ICA1: variants seen among roughly 807,000 people sequenced by gnomAD.
The protein encoded by ICA1 is 69 kDa islet cell autoantigen.
In ICA1, 40 loss-of-function variants were observed where a neutral mutation model predicts 71.0. The observed-to-expected ratio is 0.56, with a 90% CI of 0.44 to 0.73. The LOEUF (loss-of-function observed/expected upper bound fraction) is 0.73. ICA1 is among the 30% of genes least tolerant of loss of function. ICA1 has a pLI of 0.00. For missense variants in ICA1, 578 were observed against 576.5 expected, an observed-to-expected ratio of 1.00 and a Z score of -0.03; for synonymous variants, 207 against 209.5, an observed-to-expected ratio of 0.99 and a Z score of 0.10.
At chr7:8,155,984 C>T (rs906163166) in intron 8 of ICA1, among the ~76,000 whole-genome samples, 10 of 152,216 alleles carry the variant, frequency 6.6e-5, no homozygotes, top group African/African-American at 2.4e-4. Flanking sequence ...AAACAGTGCT[C>T]ACTGTGAACG....
intron 3 of ICA1, among the ~76,000 whole-genome samples, chr7:8,231,968 T>C (rs934066405): frequency 2.6e-5 from 4 of 152,202 alleles, no homozygotes; most frequent in South Asian, 2.1e-4. Flanking sequence ...ATCTAAGATA[T>C]TATTCCTCTC....
chr7:8,176,235 A>G (rs1376488864), intron 6 of ICA1, among the ~76,000 whole-genome samples: 1 of 152,166 alleles, frequency 6.6e-6, no homozygotes, highest in African/African-American at 2.4e-5. Context: ...TCCTTCATGC[A>G]TGCTGAGCTA....
chr7:8,141,703 A>G, intron 10 of ICA1, 62 bp downstream of exon 10: 1 of 1,042,204 alleles, frequency 9.6e-7, no homozygotes, highest in East Asian at 2.4e-5. Flanking sequence ...AAGTAAAATG[A>G]CTTGGCTGTT....
At chr7:8,211,665 T>A (rs1793835478) in intron 6 of ICA1, among the ~76,000 whole-genome samples, 1 of 152,248 alleles carries the variant, frequency 6.6e-6, no homozygotes, top group African/African-American at 2.4e-5. Flanking sequence ...TAAAAATGGC[T>A]AAGATGGCAA....
intron 6 of ICA1, among the ~76,000 whole-genome samples, chr7:8,210,563 C>T (rs778263866): frequency 3.3e-5 from 5 of 151,952 alleles, no homozygotes; most frequent in Non-Finnish European, 4.4e-5. Flanking sequence ...AATTTCCTAG[C>T]CTATCCATTT....
chr7:8,247,963 T>G (rs1483304936), intron 1 of ICA1, among the ~76,000 whole-genome samples: 1 of 152,198 alleles, frequency 6.6e-6, no homozygotes, highest in African/African-American at 2.4e-5. Context: ...ACACTAAAAC[T>G]TATCAGGCAG....
chr7:8,180,351 T>C (rs1781832656), intron 6 of ICA1, among the ~76,000 whole-genome samples: 1 of 152,158 alleles, frequency 6.6e-6, no homozygotes, highest in Non-Finnish European at 1.5e-5. Flanking sequence ...TGCAATATAG[T>C]AACAGTTCGT....
intron 1 of ICA1, among the ~76,000 whole-genome samples, chr7:8,241,251 G>A (rs1803761404): frequency 6.6e-6 from 1 of 152,126 alleles, no homozygotes; most frequent in Non-Finnish European, 1.5e-5. Flanking sequence ...AGCGAGTGGG[G>A]GCCAATATTC....
intron 1 of ICA1, among the ~76,000 whole-genome samples, chr7:8,239,782 G>A (rs1803132399): frequency 6.6e-6 from 1 of 152,220 alleles, no homozygotes; most frequent in Non-Finnish European, 1.5e-5. Context: ...TGCCCATGAA[G>A]CCTTGCTCAC....
At chr7:8,141,381 C>T (rs552808874) in intron 10 of ICA1, among the ~76,000 whole-genome samples, 9 of 152,302 alleles carry the variant, frequency 5.9e-5, no homozygotes, top group Admixed American at 3.3e-4. Flanking sequence ...CCACACATAC[C>T]GCAAATCCAC....
chr7:8,206,431 T>C (rs3757515), intron 6 of ICA1, among the ~76,000 whole-genome samples: 15,437 of 152,138 alleles, frequency 0.1, 1,368 homozygotes, highest in African/African-American at 0.24. Context: ...CCCTTTATTA[T>C]TATTAAAAAC....
At chr7:8,168,502 C>A (rs1026712522) in intron 6 of ICA1, among the ~76,000 whole-genome samples, 2 of 152,114 alleles carry the variant, frequency 1.3e-5, no homozygotes, top group African/African-American at 4.8e-5. Context: ...GGTCACAAAT[C>A]TACCACCATT....
At chr7:8,190,649 T>C (rs1785292756) in intron 6 of ICA1, among the ~76,000 whole-genome samples, 2 of 152,210 alleles carry the variant, frequency 1.3e-5, no homozygotes, top group Admixed American at 1.3e-4. Flanking sequence ...TCAAATCAAC[T>C]TAACCTGGCT....
intron 3 of ICA1, among the ~76,000 whole-genome samples, chr7:8,230,990 G>A (rs1800101651): frequency 6.6e-6 from 1 of 151,972 alleles, no homozygotes; most frequent in African/African-American, 2.4e-5. Flanking sequence ...GGGAAGGTGG[G>A]CAAACAGATG....
intron 6 of ICA1, among the ~76,000 whole-genome samples, chr7:8,168,933 G>A (rs531331282): frequency 2.6e-5 from 4 of 152,006 alleles, no homozygotes; most frequent in African/African-American, 4.8e-5. Flanking sequence ...TTGAACAAAC[G>A]TATATAGTTA....
At chr7:8,174,254 A>G (rs1301208190) in intron 6 of ICA1, among the ~76,000 whole-genome samples, 1 of 152,218 alleles carries the variant, frequency 6.6e-6, no homozygotes, top group African/African-American at 2.4e-5. Context: ...TTCATCAACA[A>G]ATAGAGAACA....
intron 6 of ICA1, among the ~76,000 whole-genome samples, chr7:8,212,064 G>A (rs1402918049): frequency 2.0e-5 from 3 of 152,128 alleles, no homozygotes; most frequent in Non-Finnish European, 4.4e-5. Flanking sequence ...CTTTGAAAGT[G>A]TCCAATAAAT....
intron 6 of ICA1, among the ~76,000 whole-genome samples, chr7:8,171,286 G>T (rs545728795): frequency 6.6e-6 from 1 of 151,796 alleles, no homozygotes; most frequent in Non-Finnish European, 1.5e-5. Context: ...GGTTTCCTTT[G>T]TAGAAAGATT....
chr7:8,172,196 T>G (rs1242730453), intron 6 of ICA1, among the ~76,000 whole-genome samples: 1 of 152,078 alleles, frequency 6.6e-6, no homozygotes, highest in Non-Finnish European at 1.5e-5. Flanking sequence ...GTTGAAATCT[T>G]CAACTATTAT....
Sources: allele counts gnomAD v4.1 joint callset (sites outside exome capture counted in the v4.1 genomes callset), GRCh38; gene constraint gnomAD v4.1.1; transcripts MANE v1.5; gene names NCBI Gene and HGNC (gene_info 2026-07-23, HGNC 2026-07-21).